GALNT16: variants seen among roughly 807,000 people sequenced by gnomAD.
GALNT16 encodes the protein polypeptide N-acetylgalactosaminyltransferase 16, also known as UDP-GalNAc:polypeptide N-acetylgalactosaminyltransferase-like protein 1.
Under a neutral mutation model 76.1 loss-of-function variants are expected in GALNT16, and 40 were observed. That is an observed-to-expected ratio of 0.53 (90% confidence interval 0.41 to 0.68). GALNT16 has a LOEUF of 0.68. Ranked by LOEUF, GALNT16 falls within the 30% of genes least tolerant of loss-of-function variation. The pLI, the probability that GALNT16 is intolerant of heterozygous loss-of-function variation, is 0.00. For synonymous variants in GALNT16, 276 were observed against 285.2 expected, an observed-to-expected ratio of 0.97 and a Z score of 0.32; for missense variants, 621 against 731.9, an observed-to-expected ratio of 0.85 and a Z score of 1.75.
the GALNT16 span, among the ~76,000 whole-genome samples, chr14:69,363,763 A>T: frequency 1.3e-5 from 2 of 152,132 alleles, no homozygotes; most frequent in African/African-American, 4.8e-5. Context: ...CCCAGTCCTA[A>T]CCCTGGTTCC....
the GALNT16 span, among the ~76,000 whole-genome samples, chr14:69,378,914 C>A: frequency 6.6e-6 from 1 of 152,106 alleles, no homozygotes; most frequent in Non-Finnish European, 1.5e-5. Flanking sequence ...GGATCTATTT[C>A]TTTTTGTGTG....
At position 69,322,925 on chromosome 14, in the gene GALNT16, G is replaced by GT. The variant is rs1555400138; in HGVS notation, c.336-1767_336-1766insT. Among the ~76,000 whole-genome samples, 103 of 103,842 alleles carry GT rather than the reference G, an allele frequency of 9.9e-4. 1 individual carries two copies. Among genetic ancestry groups the GT allele is most frequent in the East Asian group, 6.4e-3 (8 of 1,250 alleles). The allele number at this position is 103,842 out of a possible 152,430, so 68.1% of individuals were successfully genotyped here. ...AAAAGAAAGCTGAGGTGGCTCACGG[G>GT]GTGTGTGTGTGTGTGTGTGTGTGTG... On this transcript the variant is annotated intron_variant, in intron 2 of 14. Coordinates refer to ENST00000448469, the MANE Select transcript of GALNT16 (RefSeq NM_001168368.2).
chr14:69,374,892 T>G, the GALNT16 span, among the ~76,000 whole-genome samples: 1 of 151,962 alleles, frequency 6.6e-6, no homozygotes, highest in Non-Finnish European at 1.5e-5. Context: ...GCAGGGGGAC[T>G]GAACTCACTT....
At position 69,273,343 on chromosome 14, in the gene GALNT16, A is replaced by G. The variant is rs79978721; in HGVS notation, c.177+12876A>G. 1.9e-4 allele frequency among the ~76,000 whole-genome samples: 29 copies of G among 152,322 alleles called. No homozygotes were observed. The East Asian group carries it at 5.4e-3, about 28-fold the overall frequency. On this transcript the variant is annotated intron_variant, in intron 1 of 14. Coordinates refer to ENST00000448469, the MANE Select transcript of GALNT16 (RefSeq NM_001168368.2). ...TGGTGTTTCGTCTTTGTCCTGTTAC[A>G]GCCAGAATGACAAGTAGGTCTCAGC...
At position 69,341,765 on chromosome 14, in the gene GALNT16, G is replaced by A. The variant is rs146396847; in HGVS notation, c.1271+1G>A. 8 of 1,607,578 alleles carry A rather than the reference G, an allele frequency of 5.0e-6. No individual in the cohort carries two copies. The African/African-American group carries it at 5.3e-5, about 11-fold the overall frequency. The stretch of plus-strand genomic sequence containing the variant: ...TGGAGAACGTCTACCCAGAGCTCAC[G>A]TGAGTGCAGCCCTCATCTTGTGCAT... On this transcript the variant is annotated splice_donor_variant, in intron 12 of 14. Transcript: ENST00000448469. LOFTEE classifies it high-confidence loss of function.
intron 2 of GALNT16, among the ~76,000 whole-genome samples, chr14:69,322,923 GGGGTGTGTGTGTGTGT>G (rs1334366301): frequency 0.01 from 1,073 of 105,148 alleles, 20 homozygotes; most frequent in East Asian, 0.033. Context: ...GGTGGCTCAC[GGGGTGTGTGTGTGTGT>G]GTGTGTGTGT....
intron 1 of GALNT16, among the ~76,000 whole-genome samples, chr14:69,314,622 A>C (rs1387540551): frequency 6.6e-6 from 1 of 152,194 alleles, no homozygotes; most frequent in East Asian, 1.9e-4. Flanking sequence ...GGCCCTGTGG[A>C]ACCCTCCTTT....
intron 1 of GALNT16, among the ~76,000 whole-genome samples, chr14:69,275,592 C>T (rs987660646): frequency 2.6e-5 from 4 of 152,254 alleles, no homozygotes; most frequent in African/African-American, 9.6e-5. Context: ...CACACTTGCT[C>T]ATACCTGTAA....
chr14:69,370,904 A>T, the GALNT16 span, among the ~76,000 whole-genome samples: 1 of 152,258 alleles, frequency 6.6e-6, no homozygotes, highest in Non-Finnish European at 1.5e-5. Flanking sequence ...AAAAGGCAAG[A>T]TCCCACCTAT....
intron 1 of GALNT16, among the ~76,000 whole-genome samples, chr14:69,304,120 A>T (rs1236853168): frequency 6.6e-6 from 1 of 152,202 alleles, no homozygotes; most frequent in Non-Finnish European, 1.5e-5. Context: ...AAATTGTACA[A>T]GTATTTTCAC....
intron 12 of GALNT16, among the ~76,000 whole-genome samples, chr14:69,344,433 T>C (rs938897385): frequency 6.6e-6 from 1 of 152,190 alleles, no homozygotes; most frequent in Admixed American, 6.5e-5. Flanking sequence ...AGTAGTGTCT[T>C]GGGGAATGGA....
chr14:69,332,322 G>A (rs1403140658), intron 7 of GALNT16, among the ~76,000 whole-genome samples: 2 of 152,180 alleles, frequency 1.3e-5, no homozygotes, highest in African/African-American at 4.8e-5. Context: ...CAGTACAGTA[G>A]ATAATAGTCA....
rs921930428 is a variant in GALNT16, at chr14:69,333,336, C to T, written c.864-161C>T. 25 of 701,250 alleles carry T rather than the reference C, an allele frequency of 3.6e-5. No homozygotes were observed. The highest frequency in any genetic ancestry group is 1.1e-4 in the Admixed American group (4 of 36,966). The allele number at this position is 701,250 out of a possible 1,614,324, so 43.4% of individuals were successfully genotyped here. A position where few individuals can be genotyped will look rare whatever the true frequency, so the allele number is the denominator to read the frequency against. ...GCAGGGACAGCGAGGACAGAGGCCACGGGAACAGATGTGGGGGGCCAGGGA... is the reference window on the plus strand; with the variant it reads ...GCAGGGACAGCGAGGACAGAGGCCATGGGAACAGATGTGGGGGGCCAGGGA... On this transcript the variant is annotated intron_variant, in intron 8 of 14. Transcript: ENST00000448469. The surrounding 1 kb of genome is among the most constrained non-coding windows in gnomAD (Gnocchi z 4.2).
rs749308432 is a variant in GALNT16 at position 69,326,009 on chromosome 14, C to A, written c.550C>A (p.Arg184Ser). The A allele has an allele frequency of 6.8e-6, 11 of 1,613,724 alleles. No individual in the cohort carries two copies. The highest frequency in any genetic ancestry group is 9.3e-6 in the Non-Finnish European group (11 of 1,179,752). ...LTRIPKVKCL[R>S]NDRREGLIRS... ...CAGGATCCCCAAGGTCAAGTGCCTG[C>A]GCAATGATCGGCGGGAAGGTGAGTC... Residue 184 changes from arginine (R) to serine (S), a missense_variant, in exon 5 of 15, where the codon CGC becomes AGC. Arg to Ser is a moderately radical substitution (Grantham distance 110). Transcript: ENST00000448469.
intron 1 of GALNT16, among the ~76,000 whole-genome samples, chr14:69,279,705 A>G (rs1183483184): frequency 6.6e-6 from 1 of 152,216 alleles, no homozygotes; most frequent in Non-Finnish European, 1.5e-5. Context: ...TGAATCTTTG[A>G]AGATGAGCGT....
At chr14:69,360,859 CCT>C (rs2045720075), downstream of GALNT16, among the ~76,000 whole-genome samples, 1 of 152,182 alleles carries the variant, frequency 6.6e-6, no homozygotes, top group Admixed American at 6.5e-5. Flanking sequence ...GTTCTGGTCC[CCT>C]GACGGGGCCA....
At chr14:69,283,700 A>T (rs2044573206) in intron 1 of GALNT16, among the ~76,000 whole-genome samples, 1 of 152,196 alleles carries the variant, frequency 6.6e-6, no homozygotes, top group Admixed American at 6.5e-5. Flanking sequence ...TCATACCTAC[A>T]TCACAGGGTA....
intron 7 of GALNT16, chr14:69,332,647 T>A (rs2045365581): frequency 6.1e-6 from 1 of 165,192 alleles, no homozygotes; most frequent in African/African-American, 2.4e-5. Context: ...CATTTCCCCT[T>A]TGGGAAATCA....
chr14:69,277,378 G>T (rs1380087657), intron 1 of GALNT16, among the ~76,000 whole-genome samples: 1 of 151,834 alleles, frequency 6.6e-6, no homozygotes, highest in African/African-American at 2.4e-5. Flanking sequence ...CCTGCTCCCC[G>T]CCACCCCATG....
Sources: allele counts gnomAD v4.1 joint callset (sites outside exome capture counted in the v4.1 genomes callset), GRCh38; gene constraint gnomAD v4.1.1; non-coding constraint Gnocchi (gnomAD v3.1); transcripts MANE v1.5; gene names NCBI Gene and HGNC (gene_info 2026-07-23, HGNC 2026-07-21).